Variants in PARD6G observed in about 807,000 individuals in gnomAD.
The protein encoded by PARD6G is partitioning defective 6 homolog gamma.
Under a neutral mutation model 10.7 loss-of-function variants are expected in PARD6G, and 7 were observed. That is an observed-to-expected ratio of 0.66 (90% confidence interval 0.37 to 1.23). The LOEUF is 1.23. Among genes scored for constraint, PARD6G ranks in the 50% most tolerant of loss-of-function variants. The pLI is 0.02. For missense variants in PARD6G, 548 were observed against 571.8 expected (o/e 0.96, Z 0.42); for synonymous variants, 287 against 269.4 (o/e 1.07, Z -0.64).
intron 1 of PARD6G, among the ~76,000 whole-genome samples, chr18:80,224,915 A>G (rs1967275225): frequency 6.6e-6 from 1 of 152,112 alleles, no homozygotes; most frequent in South Asian, 2.1e-4. Context: ...GACTTGCCCA[A>G]AAGCTACAGA....
intron 1 of PARD6G, among the ~76,000 whole-genome samples, chr18:80,206,814 T>G (rs886657364): frequency 6.6e-6 from 1 of 152,242 alleles, no homozygotes; most frequent in Non-Finnish European, 1.5e-5. Flanking sequence ...TGGCTAGTGA[T>G]TATCAATAAA....
intron 1 of PARD6G, among the ~76,000 whole-genome samples, chr18:80,227,680 G>T (rs1967307434): frequency 6.6e-6 from 1 of 152,212 alleles, no homozygotes; most frequent in African/African-American, 2.4e-5. Context: ...ACTGGCGACT[G>T]CAAGGCAGGC....
Position 80,160,530 on chromosome 18 carries a change from TTCA to T in PARD6G, c.369_371del (p.Asp123del). On this transcript the variant is annotated inframe_deletion, in exon 3 of 3. Transcript: ENST00000353265. ...CCAGGTGTGCACGCCGCCGGGGTCC[TTCA>T]TCACGCAGCGCGCCCAGCGCCCGCC... is the stretch of plus-strand genomic sequence containing the variant. The T allele has an allele frequency of 6.6e-7, 1 of 1,511,414 alleles. No individual in the cohort carries two copies. Among genetic ancestry groups the T allele is most frequent in the Non-Finnish European group, 8.8e-7 (1 of 1,131,124 alleles). The allele number at this position is 1,511,414 out of a possible 1,614,324, so 93.6% of individuals were successfully genotyped here. A position where few individuals can be genotyped will look rare whatever the true frequency, so the allele number is the denominator to read the frequency against.
At position 80,180,589 on chromosome 18, in the gene PARD6G, A is replaced by G. The variant is rs2052843850; in HGVS notation, c.296-19983T>C. Among the ~76,000 whole-genome samples the G allele has an allele frequency of 6.6e-6, 1 of 152,056 alleles. No homozygotes were observed. The highest frequency in any genetic ancestry group is 1.5e-5 in the Non-Finnish European group (1 of 68,010). The stretch of plus-strand genomic sequence containing the variant: ...TTTCAGAACGGCAATCACATTCTCA[A>G]GCTTAACTGTCTCTATGGCACCGCA... On this transcript the variant is annotated intron_variant, in intron 2 of 2. Transcript: ENST00000353265. This position sits in a 1 kb window ranked among gnomAD's most constrained non-coding sequence, Gnocchi z 5.6.
At chr18:80,212,208 G>A (rs778412313) in intron 1 of PARD6G, among the ~76,000 whole-genome samples, 3 of 152,168 alleles carry the variant, frequency 2.0e-5, no homozygotes, top group Middle Eastern at 3.2e-3. Context: ...CCAAGTCCTT[G>A]TGGGTGTGTA....
rs1396638073 is a variant in PARD6G, at chr18:80,209,526, T to C, written c.73-6594A>G. Among the ~76,000 whole-genome samples the C allele has an allele frequency of 2.0e-5, 3 of 152,196 alleles. No homozygotes were observed. The South Asian group carries it at 6.2e-4, about 32-fold the overall frequency. ...ATCAATAAGCAAAAGCGTATCAGCATCTGGCTAGGTGTGGTGGCTCACACC... is the reference window on the plus strand; with the variant it reads ...ATCAATAAGCAAAAGCGTATCAGCACCTGGCTAGGTGTGGTGGCTCACACC... On this transcript the variant is annotated intron_variant, in intron 1 of 2. Transcript: ENST00000353265.
intron 1 of PARD6G, among the ~76,000 whole-genome samples, chr18:80,205,833 A>G (rs1967049088): frequency 6.6e-6 from 1 of 152,138 alleles, no homozygotes; most frequent in African/African-American, 2.4e-5. Flanking sequence ...CCAACTTCCA[A>G]AGCAATTTCC....
At chr18:80,235,878 A>G (rs1967416320) in intron 1 of PARD6G, among the ~76,000 whole-genome samples, 1 of 152,180 alleles carries the variant, frequency 6.6e-6, no homozygotes, top group African/African-American at 2.4e-5. Flanking sequence ...CAACCAAAAA[A>G]AGTCCAGGAC....
intron 1 of PARD6G, among the ~76,000 whole-genome samples, chr18:80,204,688 C>T (rs1483437341): frequency 1.3e-5 from 2 of 152,058 alleles, no homozygotes; most frequent in African/African-American, 4.8e-5. Context: ...GTGGCTCACG[C>T]CTGTAATCCC....
At chr18:80,235,095 C>T (rs1373406923) in intron 1 of PARD6G, among the ~76,000 whole-genome samples, 1 of 152,036 alleles carries the variant, frequency 6.6e-6, no homozygotes, top group African/African-American at 2.4e-5. Flanking sequence ...CAAAATTGAC[C>T]ACATAGTTGG....
rs1187261010 is a variant in PARD6G at position 80,175,472 on chromosome 18, G to A, written c.296-14866C>T. On this transcript the variant is annotated intron_variant, in intron 2 of 2. Coordinates refer to ENST00000353265, the MANE Select transcript of PARD6G (RefSeq NM_032510.4). This position sits in a 1 kb window ranked among gnomAD's most constrained non-coding sequence, Gnocchi z 6.7. ...TGCCTCCTCCTCTGCTTACGACACAGTCTGATTAGGTCAGGGCTTCGTCCT... is the reference window on the plus strand; with the variant it reads ...TGCCTCCTCCTCTGCTTACGACACAATCTGATTAGGTCAGGGCTTCGTCCT... Among the ~76,000 whole-genome samples the A allele has an allele frequency of 6.6e-6, 1 of 152,174 alleles. No individual in the cohort carries two copies. Among genetic ancestry groups the A allele is most frequent in the Non-Finnish European group, 1.5e-5 (1 of 68,040 alleles).
chr18:80,219,844 G>C (rs1406727494), intron 1 of PARD6G, among the ~76,000 whole-genome samples: 1 of 152,088 alleles, frequency 6.6e-6, no homozygotes, highest in Non-Finnish European at 1.5e-5. Context: ...TGTCTTCTGA[G>C]CTCAAGTCTC....
intron 1 of PARD6G, among the ~76,000 whole-genome samples, chr18:80,234,240 C>A (rs1967393762): frequency 6.6e-6 from 1 of 152,148 alleles, no homozygotes; most frequent in African/African-American, 2.4e-5. Flanking sequence ...CAGGTCCCAG[C>A]TTCTCCCACA....
Position 80,226,414 on chromosome 18 carries a change from G to A in PARD6G, c.72+20863C>T, listed in dbSNP as rs921993959. Among the ~76,000 whole-genome samples the A allele has an allele frequency of 5.9e-5, 9 of 151,998 alleles. No homozygotes were observed. In the South Asian group the frequency reaches 6.2e-4, roughly 11 times the overall value. Reference sequence around the variant, plus strand: ...TCGAACTCCCGACCTCAGGTGATCCGCCTGCCTTGGCCTCCCAAAGGGCTG... The same window carrying A: ...TCGAACTCCCGACCTCAGGTGATCCACCTGCCTTGGCCTCCCAAAGGGCTG... On this transcript the variant is annotated intron_variant, in intron 1 of 2. Coordinates refer to ENST00000353265, the MANE Select transcript of PARD6G (RefSeq NM_032510.4).
At position 80,229,313 on chromosome 18, in the gene PARD6G, A is replaced by G. The variant is rs551065609; in HGVS notation, c.72+17964T>C. ...TAGTAAATTTAAAAACACACACACA[A>G]AAACACAACACCGAATCTGCAGCGA... On this transcript the variant is annotated intron_variant, in intron 1 of 2. Transcript: ENST00000353265. 2.0e-5 allele frequency among the ~76,000 whole-genome samples: 3 copies of G among 152,224 alleles called. No individual in the cohort carries two copies. The South Asian group carries it at 6.2e-4, about 32-fold the overall frequency.
chr18:80,185,394 C>G (rs1273849888), intron 2 of PARD6G, among the ~76,000 whole-genome samples: 1 of 152,118 alleles, frequency 6.6e-6, no homozygotes, highest in Non-Finnish European at 1.5e-5. Flanking sequence ...CCTGCCTCAG[C>G]CTTCTGAGTA....
In PARD6G at chr18:80,194,594, C is replaced by G. The variant is rs536080498; in HGVS notation, c.295+8116G>C. Among the ~76,000 whole-genome samples, 17 of 152,166 alleles carry G rather than the reference C, an allele frequency of 1.1e-4. 1 individual carries two copies. The South Asian group carries it at 3.3e-3, about 30-fold the overall frequency. ...TGCATGAGCTATGGACATTCACCCC[C>G]CCGAGATCTTAGTTCCGTGGGGTAG... is the stretch of plus-strand genomic sequence containing the variant. On this transcript the variant is annotated intron_variant, in intron 2 of 2. Transcript: ENST00000353265.
chr18:80,163,392 C>G (rs547071704), intron 2 of PARD6G, among the ~76,000 whole-genome samples: 2 of 152,172 alleles, frequency 1.3e-5, no homozygotes, highest in Non-Finnish European at 2.9e-5. Flanking sequence ...AGGCTTGGCC[C>G]GGGAGAGGTG....
intron 1 of PARD6G, among the ~76,000 whole-genome samples, chr18:80,240,317 C>G (rs755064317): frequency 3.3e-5 from 5 of 152,228 alleles, no homozygotes; most frequent in Admixed American, 1.3e-4. Flanking sequence ...CCAGCATCAG[C>G]TCAAAAGTGC....
Sources: allele counts gnomAD v4.1 joint callset (sites outside exome capture counted in the v4.1 genomes callset), GRCh38; gene constraint gnomAD v4.1.1; non-coding constraint Gnocchi (gnomAD v3.1); transcripts MANE v1.5; gene names NCBI Gene and HGNC (gene_info 2026-07-23, HGNC 2026-07-21).